Variants in PTPRS observed in about 807,000 individuals in gnomAD.
The protein encoded by PTPRS is protein tyrosine phosphatase receptor type S.
In PTPRS, 63 loss-of-function variants were observed where a neutral mutation model predicts 215.3. The ratio of observed to expected loss-of-function variants is 0.29; its 90% CI spans 0.24 to 0.36. The LOEUF is 0.36. Ranked by LOEUF, PTPRS falls within the 10% of genes least tolerant of loss-of-function variation. The probability of loss-of-function intolerance (pLI) is 1.00; values close to 1 mark genes in which losing one functional copy is unlikely to be tolerated. For missense variants in PTPRS, 2,258 were observed against 2,825.8 expected, an observed-to-expected ratio of 0.80 and a Z score of 4.56; for synonymous variants, 1,404 against 1,191.4, an observed-to-expected ratio of 1.18 and a Z score of -3.68.
chr19:5,266,930 CT>C (rs1568519444), intron 4 of PTPRS, among the ~76,000 whole-genome samples: 13 of 152,292 alleles, frequency 8.5e-5, no homozygotes, highest in African/African-American at 3.1e-4. Context: ...CTAGCTCCAA[CT>C]CCCTTGCTCT....
Position 5,273,575 on chromosome 19 carries a change from C to A in PTPRS, c.246G>T (p.Glu82Asp). The A allele has an allele frequency of 6.2e-7, 1 of 1,614,136 alleles. No homozygotes were observed. Among genetic ancestry groups the A allele is most frequent in the Non-Finnish European group, 8.5e-7 (1 of 1,180,026 alleles). The change falls in exon 4 of 38, where the codon GAG becomes GAT. Residue 82 changes from glutamate (E) to aspartate (D), a missense_variant. Transcript: ENST00000262963. ...GCACTGCCCCTGCACTCTCATCAAA[C>A]TCAATCGTCTGCCATGGGCAGGGGA... is the stretch of plus-strand genomic sequence containing the variant. ...KVNSQRFETI[E>D]FDESAGAVLR...
rs186008886 is a variant in PTPRS, at chr19:5,208,874, T to C, written c.5488-483A>G. On this transcript the variant is annotated intron_variant, in intron 35 of 37. Transcript: ENST00000262963. ...CCAGCTCTGCCCTTCCCAGCTCCTA[T>C]TCACCATGATCCTCTGTCATCTTCC... 3.3e-5 allele frequency among the ~76,000 whole-genome samples: 5 copies of C among 152,268 alleles called. No individual in the cohort carries two copies. The East Asian group carries it at 9.7e-4, about 29-fold the overall frequency.
At chr19:5,276,421 C>A (rs926728172) in intron 2 of PTPRS, among the ~76,000 whole-genome samples, 5 of 152,086 alleles carry the variant, frequency 3.3e-5, no homozygotes, top group Non-Finnish European at 7.3e-5. Flanking sequence ...TGGGGTTTCA[C>A]CATGTTGGCC....
In PTPRS at chr19:5,278,208, G is replaced by T. The variant is rs541781916; in HGVS notation, c.92-3864C>A. 20 of 382,230 alleles carry T rather than the reference G, an allele frequency of 5.2e-5. 2 individuals carry two copies. The highest frequency in any genetic ancestry group is 3.5e-4 in the South Asian group (14 of 40,002). 23.7% of individuals were successfully genotyped at this position (382,230 alleles called of 1,614,324 possible). ...CAAAAAAAAAAAAAAAAGGGAGTGGGGGGTGGGGGAAAGGATGCTTTTTTG... is the reference window on the plus strand; with the variant it reads ...CAAAAAAAAAAAAAAAAGGGAGTGGTGGGTGGGGGAAAGGATGCTTTTTTG... On this transcript the variant is annotated intron_variant, in intron 2 of 37. Coordinates refer to ENST00000262963, the MANE Select transcript of PTPRS (RefSeq NM_002850.4).
intron 1 of PTPRS, among the ~76,000 whole-genome samples, chr19:5,297,049 C>A (rs2049157523): frequency 6.6e-6 from 1 of 151,392 alleles, no homozygotes; most frequent in Non-Finnish European, 1.5e-5. Flanking sequence ...GCCTGAGCAC[C>A]CTAAAGGTTA....
intron 1 of PTPRS, among the ~76,000 whole-genome samples, chr19:5,304,855 C>G (rs1047124475): frequency 3.3e-5 from 5 of 150,182 alleles, no homozygotes; most frequent in African/African-American, 1.2e-4. Context: ...AAGAGGAAAC[C>G]TAACTAGCCC....
chr19:5,211,553 T>C (rs761412526), intron 33 of PTPRS, 37 bp downstream of exon 33: 2 of 1,585,962 alleles, frequency 1.3e-6, no homozygotes, highest in Non-Finnish European at 1.7e-6. Context: ...GATGGGCTCC[T>C]TCTGGGGCCC....
At chr19:5,289,363 C>T (rs555686584) in intron 1 of PTPRS, among the ~76,000 whole-genome samples, 14 of 152,332 alleles carry the variant, frequency 9.2e-5, no homozygotes, top group African/African-American at 3.4e-4. Context: ...GGACAGATGT[C>T]GTCACCTCCA....
chr19:5,277,794 A>T (rs890493487), intron 2 of PTPRS: 7 of 737,762 alleles, frequency 9.5e-6, no homozygotes, highest in East Asian at 8.2e-5. Context: ...CAAGGCGTTC[A>T]TCCGGCACCA....
rs369209182 is a variant in PTPRS at position 5,206,856 on chromosome 19, G to A, written c.5779-14C>T. Reference sequence around the variant, plus strand: ...CTGGTACTCATCCTGGGGGAGCAGAGGTGACCTGTTAGTACCTCCGCTGCT... The same window carrying A: ...CTGGTACTCATCCTGGGGGAGCAGAAGTGACCTGTTAGTACCTCCGCTGCT... On this transcript the variant is annotated splice_polypyrimidine_tract_variant and intron_variant, in intron 37 of 37. Transcript: ENST00000262963. 6.5e-5 allele frequency: 105 copies of A among 1,613,606 alleles called. No individual in the cohort carries two copies. The highest frequency in any genetic ancestry group is 1.2e-4 in the Admixed American group (7 of 59,990).
rs2040339166 is a variant in PTPRS, at chr19:5,206,049, GTAGGAAAAATTA to G, written c.*713_*724del. 7.1e-6 allele frequency among the ~76,000 whole-genome samples: 1 copy of G among 141,840 alleles called. No homozygotes were observed. The highest frequency in any genetic ancestry group is 7.1e-5 in the Admixed American group (1 of 13,988). 93.1% of individuals were successfully genotyped at this position (141,840 alleles called of 152,430 possible). ...TGTGAGCAAAGCACACTTTCTGATG[GTAGGAAAAATTA>G]AAAAAAAAAAAAAAAAAAAAAAAGC... is the stretch of plus-strand genomic sequence containing the variant. On this transcript the variant is annotated 3_prime_UTR_variant, in exon 38 of 38. Transcript: ENST00000262963.
At chr19:5,270,429 T>G (rs12976247) in intron 4 of PTPRS, among the ~76,000 whole-genome samples, 65,615 of 151,540 alleles carry the variant, frequency 0.43, 14,422 homozygotes, top group East Asian at 0.68. Flanking sequence ...TACTTGGGAC[T>G]ATAGGCAGGC....
rs555867885 is a variant in PTPRS at position 5,238,240 on chromosome 19, C to T, written c.1849+679G>A. On this transcript the variant is annotated intron_variant, in intron 13 of 37. Transcript: ENST00000262963. ...AGGGAGAGAGGGTGGCGGTGACCCA[C>T]AGCCAACTGCCAGGTGAAGGGTGAC... Among the ~76,000 whole-genome samples the T allele has an allele frequency of 1.3e-3, 197 of 152,224 alleles. 2 individuals carry two copies. Among genetic ancestry groups the T allele is most frequent in the African/African-American group, 4.5e-3 (187 of 41,532 alleles).
intron 17 of PTPRS, among the ~76,000 whole-genome samples, chr19:5,225,053 G>A (rs1456233571): frequency 3.3e-5 from 5 of 151,874 alleles, no homozygotes; most frequent in African/African-American, 1.2e-4. Context: ...TCCGCCCGGT[G>A]TACCCTCCCC....
At chr19:5,299,831 T>C (rs1002063771) in intron 1 of PTPRS, among the ~76,000 whole-genome samples, 1 of 151,860 alleles carries the variant, frequency 6.6e-6, no homozygotes, top group Non-Finnish European at 1.5e-5. Flanking sequence ...GATCGCGCCA[T>C]TGCACTCCAG....
intron 1 of PTPRS, among the ~76,000 whole-genome samples, chr19:5,337,871 G>T (rs1372986289): frequency 1.3e-5 from 2 of 152,136 alleles, no homozygotes; most frequent in Non-Finnish European, 2.9e-5. Context: ...AGGGAAAAAA[G>T]GCGCACTGAA....
At chr19:5,273,395 A>T in intron 4 of PTPRS, 47 bp downstream of exon 4, 1 of 1,612,884 alleles carries the variant, frequency 6.2e-7, no homozygotes, top group Non-Finnish European at 8.5e-7. Flanking sequence ...TTGTCCCCAA[A>T]GCCCAGGGCC....
intron 1 of PTPRS, among the ~76,000 whole-genome samples, chr19:5,316,441 G>A (rs2049879205): frequency 6.6e-6 from 1 of 152,008 alleles, no homozygotes; most frequent in Non-Finnish European, 1.5e-5. Flanking sequence ...CACCGAGGCT[G>A]GAGTGTGGTG....
In PTPRS at chr19:5,225,802, T is replaced by C. The variant is rs756860719; in HGVS notation, c.2419A>G (p.Ile807Val). ...TTCATGGTGTAGGCGGCTACCGTGA[T>C]GGAGTACGCGGTCTCAGGCTGCAAG... ...TNLQPETAYSITVAAYTMKGD... is the reference protein window; with the variant it reads ...TNLQPETAYSVTVAAYTMKGD... The change falls in exon 17 of 38, where the codon ATC becomes GTC. Residue 807 changes from isoleucine to valine, a missense_variant. Ile to Val is a conservative substitution (Grantham distance 29). This residue lies in a region of PTPRS where 371 missense variants were observed against 446.7 expected (regional missense o/e 0.83). Transcript: ENST00000262963. 2 of 1,614,034 alleles carry C rather than the reference T, an allele frequency of 1.2e-6. No individual in the cohort carries two copies. Among genetic ancestry groups the C allele is most frequent in the South Asian group, 1.1e-5 (1 of 91,086 alleles).
Sources: gnomAD v4.1 joint callset for allele counts (sites outside exome capture counted in the v4.1 genomes callset) on GRCh38, gnomAD v4.1.1 for gene constraint, gnomAD v4.1.1 regional missense constraint, MANE v1.5 for transcripts, NCBI Gene and HGNC (gene_info 2026-07-23, HGNC 2026-07-21) for gene names.